FAR2: variants seen among roughly 807,000 people sequenced by gnomAD.
FAR2 encodes fatty acyl-CoA reductase 2.
A neutral mutation model predicts 56.0 loss-of-function variants in FAR2; 19 were observed. The observed-to-expected ratio is 0.34, with a 90% CI of 0.24 to 0.50. The LOEUF is 0.50. FAR2 is among the 20% of genes least tolerant of loss of function. The pLI is 0.98. For missense variants in FAR2, 508 were observed against 642.2 expected (o/e 0.79, Z 2.26); for synonymous variants, 219 against 218.8 (o/e 1.00, Z -0.01).
intron 4 of FAR2, among the ~76,000 whole-genome samples, chr12:29,306,630 T>C (rs952303236): frequency 3.3e-5 from 5 of 152,228 alleles, no homozygotes; most frequent in African/African-American, 1.2e-4. Context: ...TTTAACCACA[T>C]AGATCTGTCA....
chr12:29,304,159 T>C (rs1288591330), intron 4 of FAR2, among the ~76,000 whole-genome samples: 3 of 152,242 alleles, frequency 2.0e-5, no homozygotes, highest in Admixed American at 6.5e-5. Context: ...AACCCCTTCC[T>C]TCCTTTCCCA....
chr12:29,222,352 T>G (rs1947705765), intron 1 of FAR2, among the ~76,000 whole-genome samples: 1 of 152,158 alleles, frequency 6.6e-6, no homozygotes, highest in South Asian at 2.1e-4. Context: ...TTTTTAAGTG[T>G]CAAGAAAGAT....
At chr12:29,284,792 G>A (rs1180981475) in intron 2 of FAR2, among the ~76,000 whole-genome samples, 1 of 152,028 alleles carries the variant, frequency 6.6e-6, no homozygotes, top group Non-Finnish European at 1.5e-5. Context: ...TCAAAGAAAA[G>A]CCCACCAATG....
intron 4 of FAR2, among the ~76,000 whole-genome samples, chr12:29,301,264 A>C (rs1219852115): frequency 6.6e-6 from 1 of 152,052 alleles, no homozygotes; most frequent in Non-Finnish European, 1.5e-5. Context: ...TTAGCGACTC[A>C]TTTTCCTGGC....
intron 1 of FAR2, among the ~76,000 whole-genome samples, chr12:29,186,853 A>G (rs1323942388): frequency 2.0e-5 from 3 of 151,954 alleles, no homozygotes; most frequent in Non-Finnish European, 2.9e-5. Context: ...CAGTGGCGCA[A>G]TCTCGGCTCA....
intron 1 of FAR2, among the ~76,000 whole-genome samples, chr12:29,216,836 C>T (rs971725303): frequency 3.3e-5 from 5 of 152,216 alleles, no homozygotes; most frequent in East Asian, 1.9e-4. Flanking sequence ...TTTCATATCA[C>T]GTAGGAGAAA....
At chr12:29,246,367 C>T (rs1335418272) in intron 1 of FAR2, among the ~76,000 whole-genome samples, 2 of 152,118 alleles carry the variant, frequency 1.3e-5, no homozygotes, top group African/African-American at 4.8e-5. Context: ...CAACATTTCA[C>T]CTCTTCTAAT....
At chr12:29,272,038 C>T (rs1289995848) in intron 2 of FAR2, among the ~76,000 whole-genome samples, 3 of 152,156 alleles carry the variant, frequency 2.0e-5, no homozygotes, top group Admixed American at 6.5e-5. Flanking sequence ...GAACCAAAAC[C>T]TAGAATAAAT....
chr12:29,230,508 A>C (rs112159899), intron 1 of FAR2, among the ~76,000 whole-genome samples: 11 of 152,222 alleles, frequency 7.2e-5, no homozygotes, highest in African/African-American at 2.4e-4. Context: ...TGAGCCAGGC[A>C]ACCCTTGGAG....
intron 2 of FAR2, among the ~76,000 whole-genome samples, chr12:29,283,931 A>G (rs1490078631): frequency 2.0e-5 from 3 of 152,222 alleles, no homozygotes; most frequent in African/African-American, 7.2e-5. Context: ...TTTCCCCACT[A>G]TACCAGATAA....
intron 1 of FAR2, among the ~76,000 whole-genome samples, chr12:29,268,140 C>T (rs1948549101): frequency 6.6e-6 from 1 of 152,180 alleles, no homozygotes; most frequent in Non-Finnish European, 1.5e-5. Flanking sequence ...ACTAGCAGAG[C>T]ATTCTGGACC....
At position 29,168,779 on chromosome 12, in the gene FAR2, T is replaced by A. The variant is rs1949856548; in HGVS notation, c.-39+19372T>A. Among the ~76,000 whole-genome samples the A allele has an allele frequency of 3.3e-5, 5 of 152,186 alleles. No homozygotes were observed. In the South Asian group the frequency reaches 1.0e-3, roughly 32 times the overall value. On this transcript the variant is annotated intron_variant, in intron 1 of 11. Transcript: ENST00000536681. ...CCAAAGAGTGAGCAACAGCAAGATTTACTGTGAAGAGCAAAAGAACAAAAC... is the reference window on the plus strand; with the variant it reads ...CCAAAGAGTGAGCAACAGCAAGATTAACTGTGAAGAGCAAAAGAACAAAAC...
At chr12:29,253,382 G>GATATCTATATATCTATATCT (rs1948265319) in intron 1 of FAR2, among the ~76,000 whole-genome samples, 1 of 133,322 alleles carries the variant, frequency 7.5e-6, no homozygotes, top group East Asian at 2.3e-4. Flanking sequence ...TATCTAGATA[G>GATATCTATATATCTATATCT]ATAGATAGAT....
At chr12:29,234,419 C>A (rs1947904519) in intron 1 of FAR2, among the ~76,000 whole-genome samples, 1 of 152,122 alleles carries the variant, frequency 6.6e-6, no homozygotes, top group South Asian at 2.1e-4. Flanking sequence ...GTCACAAAGT[C>A]CTGATGTTTT....
chr12:29,299,143 G>T (rs748655933), intron 4 of FAR2, among the ~76,000 whole-genome samples: 2 of 150,206 alleles, frequency 1.3e-5, no homozygotes, highest in Non-Finnish European at 2.9e-5. Flanking sequence ...AATCCAGGAG[G>T]TGGAGGTTGC....
At position 29,244,929 on chromosome 12, in the gene FAR2, C is replaced by T. The variant is rs1948101340; in HGVS notation, c.-38-25483C>T. On this transcript the variant is annotated intron_variant, in intron 1 of 11. Transcript: ENST00000536681. ...TCCTTCCAGTGTTTCTACCACCCATCCCTTCCATTCCAGCCTCATTGACTC... is the reference window on the plus strand; with the variant it reads ...TCCTTCCAGTGTTTCTACCACCCATTCCTTCCATTCCAGCCTCATTGACTC... Among the ~76,000 whole-genome samples the T allele has an allele frequency of 2.0e-5, 3 of 152,114 alleles. No individual in the cohort carries two copies. In the South Asian group the frequency reaches 6.2e-4, roughly 31 times the overall value.
chr12:29,252,756 T>A (rs988480552), intron 1 of FAR2, among the ~76,000 whole-genome samples: 1 of 152,178 alleles, frequency 6.6e-6, no homozygotes, highest in Non-Finnish European at 1.5e-5. Context: ...GTTATTGACA[T>A]TAAGTATGGT....
chr12:29,323,629 G>A (rs1949591574), intron 10 of FAR2, among the ~76,000 whole-genome samples: 1 of 152,182 alleles, frequency 6.6e-6, no homozygotes, highest in Non-Finnish European at 1.5e-5. Context: ...TGATACCCAG[G>A]CAAACAGGGT....
intron 1 of FAR2, among the ~76,000 whole-genome samples, chr12:29,259,664 C>G (rs1948384669): frequency 6.6e-6 from 1 of 152,102 alleles, no homozygotes. Flanking sequence ...TATTCATAAC[C>G]ATGGAAAATT....
Sources: gnomAD v4.1 joint callset for allele counts (sites outside exome capture counted in the v4.1 genomes callset) on GRCh38, gnomAD v4.1.1 for gene constraint, MANE v1.5 for transcripts, NCBI Gene and HGNC (gene_info 2026-07-23, HGNC 2026-07-21) for gene names.